SLC12A3: variants seen among roughly 807,000 people sequenced by gnomAD.
The protein encoded by SLC12A3 is Na-Cl cotransporter.
Under a neutral mutation model 121.0 loss-of-function variants are expected in SLC12A3, and 104 were observed. That is an observed-to-expected ratio of 0.86 (90% confidence interval 0.73 to 1.01). The LOEUF is 1.01. Among genes scored for constraint, SLC12A3 ranks in the 50% least tolerant of loss-of-function variants. The pLI, the probability that SLC12A3 is intolerant of heterozygous loss-of-function variation, is 0.00. For synonymous variants in SLC12A3, 536 were observed against 533.4 expected (o/e 1.00, Z -0.07); for missense variants, 1,328 against 1,356.3 (o/e 0.98, Z 0.33).
chr16:56,890,215 A>G, intron 18 of SLC12A3, 59 bp from the exon 19 acceptor site: 1 of 1,354,198 alleles, frequency 7.4e-7, no homozygotes, highest in Non-Finnish European at 1.1e-6. Flanking sequence ...CCTGGGTGCC[A>G]GGTCACCTCC....
In SLC12A3 at chr16:56,892,112, G is replaced by A. The variant is rs184770928; in HGVS notation, c.2398G>A (p.Gly800Arg). 2.9e-5 allele frequency: 47 copies of A among 1,613,898 alleles called. No individual in the cohort carries two copies. The highest frequency in any genetic ancestry group is 2.9e-4 in the East Asian group (13 of 44,880). ...CCCCGTGTTTGACCCAGCGGAGGAC[G>A]GGAAGGAAGCCAGCGCCAGAGGTGC... Reference protein sequence around the residue: ...INPVFDPAEDGKEASARVDPK... With the variant: ...INPVFDPAEDRKEASARVDPK... The change falls in exon 20 of 26, where the codon GGG (glycine) becomes AGG (arginine). Residue 800 changes from glycine (G) to arginine (R), a missense_variant. Physicochemically the swap from Gly to Arg is moderately radical, Grantham distance 125 (BLOSUM62 -2). Transcript: ENST00000563236.
intron 18 of SLC12A3, among the ~76,000 whole-genome samples, chr16:56,888,749 G>C (rs901929499): frequency 3.3e-5 from 5 of 151,662 alleles, no homozygotes; most frequent in Non-Finnish European, 7.4e-5. Flanking sequence ...TAGTAGAGAC[G>C]GGGTTTCACC....
chr16:56,904,873 G>A (rs1277417796), intron 25 of SLC12A3: 4 of 333,044 alleles, frequency 1.2e-5, no homozygotes, highest in African/African-American at 8.6e-5. Flanking sequence ...CCAAGCCTGA[G>A]CAACAGAAAC....
At chr16:56,882,002 TCA>T (rs1245872308) in intron 12 of SLC12A3, among the ~76,000 whole-genome samples, 1 of 148,856 alleles carries the variant, frequency 6.7e-6, no homozygotes, top group African/African-American at 2.5e-5. Context: ...TGAGCCGAGA[TCA>T]CGCCACTGCA....
intron 14 of SLC12A3, among the ~76,000 whole-genome samples, chr16:56,884,856 T>C (rs141764299): frequency 7.6e-4 from 115 of 152,172 alleles, no homozygotes; most frequent in African/African-American, 2.7e-3. Context: ...AACCTCCACC[T>C]CCCGGGTTCA....
chr16:56,867,210 G>A lies in SLC12A3; in HGVS notation c.423G>A (p.Gly141=). ...CAGTGCGCTTCGGCTGGGTCAAGGG[G>A]GTGATGGTGAGTGGGGTGTGGGTGG... The part of the protein sequence containing the change: ...EEPVRFGWVK[G]VMIRCMLNIW... Residue 141 remains glycine (G), a synonymous_variant, in exon 2 of 26, where the codon GGG becomes GGA. Coordinates refer to ENST00000563236, the MANE Select transcript of SLC12A3 (RefSeq NM_001126108.2). 1 of 1,609,204 alleles carries A rather than the reference G, an allele frequency of 6.2e-7. No homozygotes were observed. Among genetic ancestry groups the A allele is most frequent in the Non-Finnish European group, 8.5e-7 (1 of 1,178,262 alleles).
intron 25 of SLC12A3, among the ~76,000 whole-genome samples, chr16:56,910,138 C>CA (rs2055665852): frequency 6.6e-6 from 1 of 152,202 alleles, no homozygotes; most frequent in South Asian, 2.1e-4. Flanking sequence ...TGGCTTGGGC[C>CA]TCTATATGGT....
At chr16:56,878,041 T>TCTCTCCCCCCCCCCCC in intron 8 of SLC12A3, 36 bp from the exon 9 acceptor site, 8 of 393,132 alleles carry the variant, frequency 2.0e-5, no homozygotes, top group South Asian at 6.4e-5. Flanking sequence ...CCTCTCTCCC[T>TCTCTCCCCCCCCCCCC]CCCTCCCTCC....
intron 25 of SLC12A3, chr16:56,904,696 T>A: frequency 5.7e-6 from 3 of 523,454 alleles, no homozygotes; most frequent in Non-Finnish European, 1.0e-5. Context: ...GTCCCAGGCA[T>A]CAGTGACCTC....
At chr16:56,890,380 C>T (rs2055373034) in intron 19 of SLC12A3, 24 bp downstream of exon 19, 1 of 1,600,816 alleles carries the variant, frequency 6.2e-7, no homozygotes, top group African/African-American at 1.3e-5. Context: ...CCACCCACTC[C>T]CAGAAAGTTC....
In SLC12A3 at chr16:56,894,603, T is replaced by G. The variant is rs746759880; in HGVS notation, c.2594T>G (p.Val865Gly). 4 of 1,614,140 alleles carry G rather than the reference T, an allele frequency of 2.5e-6. No homozygotes were observed. The Middle Eastern group carries it at 6.6e-4, about 266-fold the overall frequency. ...AGCAAATGCAAGATCCGTGTGTTCG[T>G]AGGCGGCCAGATTAACAGGATGGAC... is the stretch of plus-strand genomic sequence containing the variant. ...RWSKCKIRVF[V>G]GGQINRMDQE... is the part of the protein sequence containing the mutation. Residue 865 changes from valine (V) to glycine (G), a missense_variant, in exon 22 of 26, where the codon GTA (valine) becomes GGA (glycine). By Grantham distance (109) the Val-to-Gly change is moderately radical (BLOSUM62 -3). Transcript: ENST00000563236.
chr16:56,869,872 A>C lies in SLC12A3; in HGVS notation c.601+48A>C, dbSNP rs2055067480. The stretch of plus-strand genomic sequence containing the variant: ...AAGGCCCTCCTCTCGTGGGCTCCTA[A>C]TCCTGGGAACAGGACTCCCAACTTC... On this transcript the variant is annotated intron_variant, in intron 4 of 25. Coordinates refer to ENST00000563236, the MANE Select transcript of SLC12A3 (RefSeq NM_001126108.2). 6 of 1,545,396 alleles carry C rather than the reference A, an allele frequency of 3.9e-6. 1 individual carries two copies. Among genetic ancestry groups the C allele is most frequent in the Non-Finnish European group, 4.5e-6 (5 of 1,118,768 alleles).
Position 56,887,932 on chromosome 16 carries a change from G to T in SLC12A3, c.2186G>T (p.Gly729Val), listed in dbSNP as rs373901523. The change falls in exon 18 of 26, where the codon GGT (glycine) becomes GTT (valine). Residue 729 changes from glycine (G) to valine (V), a missense_variant. Gly to Val is a moderately radical substitution (Grantham distance 109). Transcript: ENST00000563236. ...ACCCCTATCCCCTGGCAGGCCGCAGGTCTCGGGAGAATGAAGCCCAACATT... is the reference window on the plus strand; with the variant it reads ...ACCCCTATCCCCTGGCAGGCCGCAGTTCTCGGGAGAATGAAGCCCAACATT... ...RGVQILMQAA[G>V]LGRMKPNILV... 8.9e-5 allele frequency: 143 copies of T among 1,612,076 alleles called. No homozygotes were observed. Among genetic ancestry groups the T allele is most frequent in the Non-Finnish European group, 1.1e-4 (124 of 1,179,150 alleles).
In SLC12A3 at chr16:56,880,225, C is replaced by T. The variant is rs146805986; in HGVS notation, c.1539C>T (p.Tyr513=). 1,805 of 1,586,306 alleles carry T rather than the reference C, an allele frequency of 1.1e-3. 24 individuals are homozygous for T. In the African/African-American group the frequency reaches 0.019, roughly 16 times the overall value. The change falls in exon 12 of 26, where the codon TAC becomes TAT. Residue 513 remains tyrosine, a synonymous_variant. Transcript: ENST00000563236. ...KEPVRGYLLA[Y]AIAVAFIIIA... ...CCGTGCGTGGCTACCTGCTGGCCTA[C>T]GCCATCGCTGTGGCCTTCATCATCA...
In SLC12A3 at chr16:56,899,612, G is replaced by GAGCA. The variant is rs750735794; in HGVS notation, c.2717_2720dup (p.His907GlnfsTer7). 13 of 1,613,170 alleles carry GAGCA rather than the reference G, an allele frequency of 8.1e-6. No homozygotes were observed. Among genetic ancestry groups the GAGCA allele is most frequent in the Non-Finnish European group, 1.1e-5 (13 of 1,179,190 alleles). On this transcript the variant is annotated frameshift_variant, in exon 23 of 26. Transcript: ENST00000563236. LOFTEE classifies it high-confidence loss of function. Reference sequence around the variant, plus strand: ...TGACATCAACCAGAACCCTCGGGCTGAGCAGTAAGTTCTGTTTTGGGGCTT... The same window carrying GAGCA: ...TGACATCAACCAGAACCCTCGGGCTGAGCAAGCAGTAAGTTCTGTTTTGGGGCTT...
chr16:56,879,781 GA>G, intron 11 of SLC12A3, 132 bp downstream of exon 11: 2 of 720,454 alleles, frequency 2.8e-6, no homozygotes, highest in South Asian at 1.6e-5. Flanking sequence ...AGCCAGAAGG[GA>G]AAAGGAGCTA....
At chr16:56,909,795 G>GAA (rs55674033) in intron 25 of SLC12A3, among the ~76,000 whole-genome samples, 8 of 148,242 alleles carry the variant, frequency 5.4e-5, no homozygotes, top group African/African-American at 2.0e-4. Flanking sequence ...CTGAGGAAGG[G>GAA]AAAAAAAAAA....
chr16:56,881,910 G>T (rs1179007358), intron 12 of SLC12A3, among the ~76,000 whole-genome samples: 8 of 151,508 alleles, frequency 5.3e-5, no homozygotes, highest in Non-Finnish European at 1.2e-4. Flanking sequence ...TTAGCTGGGC[G>T]TGGTGGTGCA....
intron 1 of SLC12A3, 66 bp downstream of exon 1, chr16:56,865,583 C>G: frequency 6.5e-7 from 1 of 1,548,212 alleles, no homozygotes; most frequent in East Asian, 2.2e-5. Flanking sequence ...TACCTAACCT[C>G]TCTGAGCCTC....
Sources: allele counts gnomAD v4.1 joint callset (sites outside exome capture counted in the v4.1 genomes callset), GRCh38; gene constraint gnomAD v4.1.1; transcripts MANE v1.5; gene names NCBI Gene and HGNC (gene_info 2026-07-23, HGNC 2026-07-21).